Variants in CPS1 observed in about 807,000 individuals in gnomAD.
CPS1 encodes carbamoyl-phosphate synthase 1, also known as carbamoyl-phosphate synthase [ammonia], mitochondrial.
Under a neutral mutation model 174.6 loss-of-function variants are expected in CPS1, and 109 were observed. The observed-to-expected ratio is 0.62, with a 90% confidence interval of 0.53 to 0.73. CPS1 has a LOEUF of 0.73. Ranked by LOEUF, CPS1 falls within the 30% of genes least tolerant of loss-of-function variation. The pLI, the probability that CPS1 is intolerant of heterozygous loss-of-function variation, is 0.00. For missense variants in CPS1, 1,689 were observed against 1,821.9 expected, an observed-to-expected ratio of 0.93 and a Z score of 1.33; for synonymous variants, 637 against 632.0, an observed-to-expected ratio of 1.01 and a Z score of -0.12.
At chr2:210,486,114 A>T (rs577664340) in intron 1 of CPS1, among the ~76,000 whole-genome samples, 1 of 56,004 alleles carries the variant, frequency 1.8e-5, no homozygotes, top group African/African-American at 5.6e-5. Flanking sequence ...ACACACACAC[A>T]TACACACACA....
At position 210,593,805 on chromosome 2, in the gene CPS1, A is replaced by G. The variant is rs1698389571; in HGVS notation, c.1165-703A>G. ...TTATTAGGAAATATTGGTTCTTAAT[A>G]GCCAAAATCAGTATTATATTACCAA... On this transcript the variant is annotated intron_variant, in intron 11 of 37. Transcript: ENST00000233072. 4 of 356,340 alleles carry G rather than the reference A, an allele frequency of 1.1e-5. No individual in the cohort carries two copies. The South Asian group carries it at 4.5e-4, about 40-fold the overall frequency. The allele number at this position is 356,340 out of a possible 1,614,324, so 22.1% of individuals were successfully genotyped here.
At chr2:210,582,837 C>T (rs1018908334) in intron 6 of CPS1, 128 bp downstream of exon 6, 5 of 742,104 alleles carry the variant, frequency 6.7e-6, no homozygotes, top group Non-Finnish European at 1.2e-5. Flanking sequence ...AGAAAGGGAT[C>T]TCATAGCAGC....
intron 1 of CPS1, among the ~76,000 whole-genome samples, chr2:210,478,946 C>CCTCT (rs1405174842): frequency 2.3e-5 from 3 of 130,816 alleles, no homozygotes; most frequent in Admixed American, 1.6e-4. Context: ...CCCTTCCCTC[C>CCTCT]CTCCCTCCCT....
upstream of CPS1, among the ~76,000 whole-genome samples, chr2:210,555,091 T>C (rs758847191): frequency 6.6e-6 from 1 of 152,078 alleles, no homozygotes; most frequent in Non-Finnish European, 1.5e-5. Flanking sequence ...AGGCTGAACA[T>C]TTTAAGGCAT....
chr2:210,582,998 A>G (rs1218483584), intron 6 of CPS1, among the ~76,000 whole-genome samples: 1 of 152,092 alleles, frequency 6.6e-6, no homozygotes, highest in Non-Finnish European at 1.5e-5. Context: ...TTAACAATGT[A>G]AAATAAAGGA....
In CPS1 at chr2:210,648,140, G is replaced by T. The variant is rs1268881736; in HGVS notation, c.3336+83G>T. 13 of 1,382,718 alleles carry T rather than the reference G, an allele frequency of 9.4e-6. No homozygotes were observed. The Admixed American group carries it at 1.0e-4, about 11-fold the overall frequency. 85.7% of individuals were successfully genotyped at this position (1,382,718 alleles called of 1,614,324 possible). ...AATGTTGACTGAATGTTGACTATTGGATATGTTAACTACAGGGCAGATAGA... is the reference window on the plus strand; with the variant it reads ...AATGTTGACTGAATGTTGACTATTGTATATGTTAACTACAGGGCAGATAGA... On this transcript the variant is annotated intron_variant, in intron 26 of 37. Coordinates refer to ENST00000233072, the MANE Select transcript of CPS1 (RefSeq NM_001875.5).
chr2:210,492,905 A>G (rs542410056), intron 1 of CPS1, among the ~76,000 whole-genome samples: 2 of 152,304 alleles, frequency 1.3e-5, no homozygotes, highest in South Asian at 4.1e-4. Flanking sequence ...TACACATTAT[A>G]AACAGAATAT....
intron 3 of CPS1, 77 bp downstream of exon 3, chr2:210,576,567 C>A: frequency 6.6e-7 from 1 of 1,521,440 alleles, no homozygotes; most frequent in Non-Finnish European, 9.1e-7. Flanking sequence ...ATTAGGATGG[C>A]CAAACTTTCT....
intron 1 of CPS1, among the ~76,000 whole-genome samples, chr2:210,529,910 T>G (rs2105998789): frequency 6.6e-6 from 1 of 152,198 alleles, no homozygotes; most frequent in East Asian, 1.9e-4. Context: ...CTAGACATTT[T>G]TAGTCAAAAG....
At chr2:210,573,509 C>G in intron 2 of CPS1, 102 bp downstream of exon 2, 1 of 915,290 alleles carries the variant, frequency 1.1e-6, no homozygotes. Context: ...CGTAGTAAGA[C>G]TACGTATTGT....
At chr2:210,580,785 C>T (rs763628718) in intron 5 of CPS1, among the ~76,000 whole-genome samples, 3 of 150,428 alleles carry the variant, frequency 2.0e-5, no homozygotes, top group Non-Finnish European at 2.9e-5. Flanking sequence ...CACTTGAACC[C>T]GGGAGGCGGA....
chr2:210,664,064 A>G (rs974886199), intron 33 of CPS1, among the ~76,000 whole-genome samples: 3 of 152,324 alleles, frequency 2.0e-5, no homozygotes, highest in Admixed American at 6.5e-5. Flanking sequence ...ACAAGAAGGC[A>G]GGCAGTCAGG....
intron 19 of CPS1, among the ~76,000 whole-genome samples, chr2:210,609,740 A>AT: frequency 6.6e-6 from 1 of 151,928 alleles, no homozygotes; most frequent in East Asian, 2.0e-4. Context: ...TTTATGACAT[A>AT]TTTTTCCATA....
intron 14 of CPS1, among the ~76,000 whole-genome samples, chr2:210,600,217 A>T (rs1416436892): frequency 6.6e-6 from 1 of 151,778 alleles, no homozygotes; most frequent in Non-Finnish European, 1.5e-5. Context: ...TATATTTGGG[A>T]TTTTTTAAAT....
upstream of CPS1, among the ~76,000 whole-genome samples, chr2:210,552,219 A>G (rs1488329759): frequency 6.6e-6 from 1 of 151,948 alleles, no homozygotes; most frequent in Non-Finnish European, 1.5e-5. Flanking sequence ...TTTGCTCTCC[A>G]GTCATACCTT....
chr2:210,548,679 GTTC>G (rs1387397485), intron 1 of CPS1, among the ~76,000 whole-genome samples: 4 of 151,552 alleles, frequency 2.6e-5, no homozygotes, highest in African/African-American at 4.8e-5. Flanking sequence ...TCTCCTTCTT[GTTC>G]TTCTTTTTTT....
chr2:210,522,188 C>T (rs1695844746), intron 1 of CPS1, among the ~76,000 whole-genome samples: 12 of 151,916 alleles, frequency 7.9e-5, no homozygotes, highest in Admixed American at 7.9e-4. Context: ...CTGCAGATCA[C>T]CAAAGTTCTT....
intron 30 of CPS1, among the ~76,000 whole-genome samples, 188 bp downstream of exon 30, chr2:210,656,820 C>T (rs114694591): frequency 1.1e-3 from 166 of 151,942 alleles, no homozygotes; most frequent in African/African-American, 3.7e-3. Context: ...CTTCACTGTC[C>T]TTTTGAGCCC....
chr2:210,673,570 A>T lies in CPS1; in HGVS notation c.4102-1332A>T, dbSNP rs1406598391. On this transcript the variant is annotated intron_variant, in intron 34 of 37. Coordinates refer to ENST00000233072, the MANE Select transcript of CPS1 (RefSeq NM_001875.5). ...AATGCGTATAAATGAGGGGGCAGTC[A>T]GTTTGGGTTGTAAGTGTAATCGTGG... The T allele has an allele frequency of 3.9e-5, 6 of 152,356 alleles. No homozygotes were observed. In the South Asian group the frequency reaches 1.2e-3, roughly 32 times the overall value. The allele number at this position is 152,356 out of a possible 1,614,324, so 9.4% of individuals were successfully genotyped here.
Sources: allele counts gnomAD v4.1 joint callset (sites outside exome capture counted in the v4.1 genomes callset), GRCh38; gene constraint gnomAD v4.1.1; transcripts MANE v1.5; gene names NCBI Gene and HGNC (gene_info 2026-07-23, HGNC 2026-07-21).